The following GALNT13 variants were observed in gnomAD, a reference collection of about 807,000 sequenced individuals.
The protein encoded by GALNT13 is polypeptide N-acetylgalactosaminyltransferase 13, also known as UDP-GalNAc:polypeptide N-acetylgalactosaminyltransferase 13.
GALNT13 carries 28 observed loss-of-function variants against 64.2 expected under a neutral mutation model. The ratio of observed to expected loss-of-function variants is 0.44; its 90% CI spans 0.32 to 0.60. The LOEUF (loss-of-function observed/expected upper bound fraction) is 0.60, where lower values mean the gene tolerates loss of function less well. Ranked by LOEUF, GALNT13 falls within the 20% of genes least tolerant of loss-of-function variation. The pLI, the probability that GALNT13 is intolerant of heterozygous loss-of-function variation, is 0.05. For missense variants in GALNT13, 577 were observed against 669.8 expected (o/e 0.86, Z 1.53); for synonymous variants, 214 against 224.6 (o/e 0.95, Z 0.42).
the GALNT13 span, among the ~76,000 whole-genome samples, chr2:153,086,243 C>G: frequency 1.2e-4 from 18 of 152,184 alleles, no homozygotes; most frequent in African/African-American, 4.1e-4. Flanking sequence ...CTACTGTGGA[C>G]TTTTGAGTTA....
At chr2:153,906,624 T>G (rs1392004921) in intron 2 of GALNT13, among the ~76,000 whole-genome samples, 4 of 151,934 alleles carry the variant, frequency 2.6e-5, no homozygotes, top group Admixed American at 2.0e-4. Context: ...ATGTGCCACA[T>G]TTTCTTAATC....
intron 3 of GALNT13, among the ~76,000 whole-genome samples, chr2:154,033,440 T>A (rs1210277708): frequency 6.6e-6 from 1 of 152,038 alleles, no homozygotes; most frequent in Non-Finnish European, 1.5e-5. Context: ...ATATTCAGAA[T>A]ATATAAAGAA....
chr2:153,375,567 C>G, the GALNT13 span, among the ~76,000 whole-genome samples: 2 of 152,148 alleles, frequency 1.3e-5, no homozygotes, highest in Admixed American at 1.3e-4. Flanking sequence ...TTTGCATATA[C>G]AAAGCCTGGT....
chr2:153,692,494 A>G, the GALNT13 span, among the ~76,000 whole-genome samples: 2 of 152,214 alleles, frequency 1.3e-5, no homozygotes, highest in Non-Finnish European at 2.9e-5. Flanking sequence ...CCGGTGTGTT[A>G]TCGTAAAATT....
At chr2:153,577,070 A>G in the GALNT13 span, among the ~76,000 whole-genome samples, 1 of 152,152 alleles carries the variant, frequency 6.6e-6, no homozygotes, top group Non-Finnish European at 1.5e-5. Flanking sequence ...TAAGAGGTCA[A>G]GATATTTCCC....
chr2:154,081,916 C>A (rs1299847357), intron 3 of GALNT13, among the ~76,000 whole-genome samples: 1 of 151,714 alleles, frequency 6.6e-6, no homozygotes, highest in Non-Finnish European at 1.5e-5. Flanking sequence ...AATTTCCTAT[C>A]CATACAACCA....
the GALNT13 span, chr2:153,478,669 GCGTGCGAGGGCTCCTCGCTCTGCTTT>G: frequency 3.3e-6 from 3 of 916,584 alleles, no homozygotes; most frequent in Non-Finnish European, 4.9e-6. Flanking sequence ...GCAGACTAGC[GCGTGCGAGGGCTCCTCGCTCTGCTTT>G]CGAAAGTCCC....
At chr2:153,877,912 C>T (rs1686496354) in intron 1 of GALNT13, among the ~76,000 whole-genome samples, 3 of 151,984 alleles carry the variant, frequency 2.0e-5, no homozygotes, top group Admixed American at 1.3e-4. Flanking sequence ...TTTATAACAA[C>T]AATATGAGTA....
At chr2:153,565,107 GTTGTGCC>G in the GALNT13 span, among the ~76,000 whole-genome samples, 11 of 152,268 alleles carry the variant, frequency 7.2e-5, no homozygotes, top group African/African-American at 2.6e-4. Context: ...CCATCTGTCA[GTTGTGCC>G]TTGACTACTG....
the GALNT13 span, among the ~76,000 whole-genome samples, chr2:153,499,188 G>A: frequency 6.6e-6 from 1 of 152,158 alleles, no homozygotes; most frequent in Non-Finnish European, 1.5e-5. Context: ...GGAAGAATGA[G>A]GTACACAGAC....
At chr2:153,564,937 G>T in the GALNT13 span, among the ~76,000 whole-genome samples, 2 of 152,118 alleles carry the variant, frequency 1.3e-5, no homozygotes, top group East Asian at 3.9e-4. Context: ...CCTATGGAGC[G>T]GGCCGCATGG....
chr2:153,556,242 G>A, the GALNT13 span, among the ~76,000 whole-genome samples: 1 of 151,702 alleles, frequency 6.6e-6, no homozygotes, highest in Non-Finnish European at 1.5e-5. Flanking sequence ...TTAAAGGTTG[G>A]GCTATTTTAA....
the GALNT13 span, among the ~76,000 whole-genome samples, chr2:153,092,836 A>G: frequency 1.1e-4 from 16 of 152,036 alleles, no homozygotes; most frequent in African/African-American, 3.9e-4. Flanking sequence ...TCACTTTTCT[A>G]TTGCTTCCAT....
chr2:154,240,059 A>T (rs73965411), intron 4 of GALNT13, among the ~76,000 whole-genome samples: 2,548 of 152,232 alleles, frequency 0.017, 66 homozygotes, highest in African/African-American at 0.057. Flanking sequence ...TATTTTACAT[A>T]AAAAAATAAC....
chr2:153,848,865 G>C, the GALNT13 span, among the ~76,000 whole-genome samples: 1 of 151,530 alleles, frequency 6.6e-6, no homozygotes, highest in Non-Finnish European at 1.5e-5. Context: ...TGTTTTTACT[G>C]ATGAATTCTA....
chr2:154,142,685 T>A (rs1214139121), intron 4 of GALNT13, among the ~76,000 whole-genome samples: 1 of 151,896 alleles, frequency 6.6e-6, no homozygotes, highest in Non-Finnish European at 1.5e-5. Flanking sequence ...ACTTTTGAAA[T>A]GTCTCTCTCA....
At chr2:153,705,273 TA>T in the GALNT13 span, among the ~76,000 whole-genome samples, 1 of 152,072 alleles carries the variant, frequency 6.6e-6, no homozygotes, top group Non-Finnish European at 1.5e-5. Context: ...TTTTTTCCTG[TA>T]AAATAAAGAT....
At chr2:154,114,456 A>G (rs1305624712) in intron 3 of GALNT13, among the ~76,000 whole-genome samples, 1 of 152,186 alleles carries the variant, frequency 6.6e-6, no homozygotes, top group African/African-American at 2.4e-5. Flanking sequence ...GTCCTCTGGA[A>G]TCAATGTCAG....
chr2:153,385,565 G>A, the GALNT13 span, among the ~76,000 whole-genome samples: 2 of 152,002 alleles, frequency 1.3e-5, no homozygotes, highest in Non-Finnish European at 2.9e-5. Flanking sequence ...GGGTGGGGAG[G>A]TGGAGATGGT....
Sources: gnomAD v4.1 joint callset for allele counts (sites outside exome capture counted in the v4.1 genomes callset) on GRCh38, gnomAD v4.1.1 for gene constraint, MANE v1.5 for transcripts, NCBI Gene and HGNC (gene_info 2026-07-23, HGNC 2026-07-21) for gene names.